FTO: variants seen among roughly 807,000 people sequenced by gnomAD.
The protein encoded by FTO is FTO alpha-ketoglutarate dependent dioxygenase.
A neutral mutation model predicts 63.9 loss-of-function variants in FTO; 47 were observed. The ratio of observed to expected loss-of-function variants is 0.74; its 90% CI spans 0.58 to 0.94. FTO has a LOEUF of 0.94. Ranked by LOEUF, FTO falls within the 40% of genes least tolerant of loss-of-function variation. The pLI, the probability that FTO is intolerant of heterozygous loss-of-function variation, is 0.00. For synonymous variants in FTO, 207 were observed against 224.4 expected, an observed-to-expected ratio of 0.92 and a Z score of 0.69; for missense variants, 562 against 618.1, an observed-to-expected ratio of 0.91 and a Z score of 0.96.
chr16:53,996,220 G>A (rs553195486), intron 8 of FTO, among the ~76,000 whole-genome samples: 285 of 152,252 alleles, frequency 1.9e-3, no homozygotes, highest in Middle Eastern at 6.8e-3. Context: ...ATCTTTTGAC[G>A]GTTGGTTTTT....
At chr16:54,035,200 C>G (rs2084915968) in intron 8 of FTO, among the ~76,000 whole-genome samples, 1 of 152,202 alleles carries the variant, frequency 6.6e-6, no homozygotes, top group African/African-American at 2.4e-5. Flanking sequence ...TTAGTTAAAT[C>G]AGTAATTTAC....
rs188663574 is a variant in FTO at position 54,031,883 on chromosome 16, C to T, written c.1365-79879C>T. 2.6e-5 allele frequency among the ~76,000 whole-genome samples: 4 copies of T among 152,146 alleles called. No homozygotes were observed. The East Asian group carries it at 7.7e-4, about 29-fold the overall frequency. On this transcript the variant is annotated intron_variant, in intron 8 of 8. Coordinates refer to ENST00000471389, the MANE Select transcript of FTO (RefSeq NM_001080432.3). ...TTAAGGTGGTTTTATAAGACATGGG[C>T]AGACAGATGGAAAGAGGTCATTCCA...
At chr16:54,022,918 C>G (rs1217970897) in intron 8 of FTO, among the ~76,000 whole-genome samples, 1 of 152,174 alleles carries the variant, frequency 6.6e-6, no homozygotes, top group Non-Finnish European at 1.5e-5. Context: ...GCTGTATACA[C>G]GGGAGCTAAC....
chr16:53,742,046 G>C (rs554890046), intron 1 of FTO, among the ~76,000 whole-genome samples: 102 of 152,196 alleles, frequency 6.7e-4, no homozygotes, highest in African/African-American at 2.4e-3. Flanking sequence ...TGGGGAGAGT[G>C]GGGGGTAGGT....
At chr16:53,857,346 C>T (rs1252774915) in intron 4 of FTO, among the ~76,000 whole-genome samples, 1 of 152,046 alleles carries the variant, frequency 6.6e-6, no homozygotes, top group Non-Finnish European at 1.5e-5. Flanking sequence ...ATTTGGTTTT[C>T]TTTTCCTGCG....
chr16:54,106,245 A>T (rs1336472145), intron 8 of FTO, among the ~76,000 whole-genome samples: 1 of 152,030 alleles, frequency 6.6e-6, no homozygotes, highest in Non-Finnish European at 1.5e-5. Flanking sequence ...GACGCCCTTC[A>T]TGAGTTACAC....
At chr16:53,723,152 G>T (rs2076079798) in intron 1 of FTO, among the ~76,000 whole-genome samples, 2 of 152,248 alleles carry the variant, frequency 1.3e-5, no homozygotes, top group East Asian at 1.9e-4. Context: ...TAGCTGTAAA[G>T]ATATATATTT....
intron 5 of FTO, 115 bp downstream of exon 5, chr16:53,873,980 A>C: frequency 1.3e-6 from 1 of 781,498 alleles, no homozygotes; most frequent in Non-Finnish European, 2.2e-6. Context: ...GCTTCCATCT[A>C]ACTTGACTTT....
At chr16:53,708,195 G>A (rs2075673595) in intron 1 of FTO, among the ~76,000 whole-genome samples, 1 of 152,116 alleles carries the variant, frequency 6.6e-6, no homozygotes, top group South Asian at 2.1e-4. Flanking sequence ...GTGAAACCCT[G>A]TCTCTACTAA....
chr16:53,769,739 AT>A (rs541816071), intron 1 of FTO, among the ~76,000 whole-genome samples: 86 of 152,178 alleles, frequency 5.7e-4, no homozygotes, highest in African/African-American at 1.9e-3. Context: ...ATAGTCTATA[AT>A]GGCTTAAACA....
chr16:53,753,683 A>G (rs2076852050), intron 1 of FTO, among the ~76,000 whole-genome samples: 1 of 152,196 alleles, frequency 6.6e-6, no homozygotes, highest in African/African-American at 2.4e-5. Flanking sequence ...TGGTGTTTGC[A>G]GTATTTAACA....
chr16:53,754,565 A>C (rs2076875427), intron 1 of FTO, among the ~76,000 whole-genome samples: 1 of 152,116 alleles, frequency 6.6e-6, no homozygotes, highest in South Asian at 2.1e-4. Flanking sequence ...TTGAACCCGG[A>C]AGGTGGCAGT....
At chr16:54,017,937 G>A (rs1012787108) in intron 8 of FTO, among the ~76,000 whole-genome samples, 2 of 151,918 alleles carry the variant, frequency 1.3e-5, no homozygotes, top group Non-Finnish European at 2.9e-5. Flanking sequence ...ATTTGGAAAA[G>A]AAAGCAGGAA....
At chr16:53,731,730 G>A (rs990054125) in intron 1 of FTO, among the ~76,000 whole-genome samples, 1 of 146,884 alleles carries the variant, frequency 6.8e-6, no homozygotes, top group South Asian at 2.2e-4. Flanking sequence ...GCGCCACCAC[G>A]CCCAACTAAT....
chr16:53,841,794 T>G (rs1222091317), intron 3 of FTO, among the ~76,000 whole-genome samples: 1 of 152,220 alleles, frequency 6.6e-6, no homozygotes, highest in Non-Finnish European at 1.5e-5. Flanking sequence ...AAACATGCTT[T>G]ATTGTGCATT....
intron 3 of FTO, among the ~76,000 whole-genome samples, chr16:53,829,800 C>CA (rs1365492103): frequency 1.3e-5 from 2 of 151,900 alleles, no homozygotes; most frequent in African/African-American, 4.8e-5. Context: ...AATGATGAAA[C>CA]ATTGGGTTTG....
At chr16:53,937,042 C>A (rs1407020744) in intron 8 of FTO, among the ~76,000 whole-genome samples, 1 of 152,198 alleles carries the variant, frequency 6.6e-6, no homozygotes, top group Non-Finnish European at 1.5e-5. Flanking sequence ...GTCTCTTAAA[C>A]TGAAGCATAT....
intron 8 of FTO, among the ~76,000 whole-genome samples, chr16:53,963,889 A>AT (rs1373628965): frequency 6.6e-6 from 1 of 151,962 alleles, no homozygotes. Flanking sequence ...AGTAGCTGGG[A>AT]TTACAGGCAC....
intron 8 of FTO, among the ~76,000 whole-genome samples, chr16:54,078,471 C>T (rs1441377846): frequency 1.3e-5 from 2 of 149,274 alleles, no homozygotes. Flanking sequence ...GTAACATATC[C>T]CTTACTAAAT....
Sources: allele counts gnomAD v4.1 joint callset (sites outside exome capture counted in the v4.1 genomes callset), GRCh38; gene constraint gnomAD v4.1.1; transcripts MANE v1.5; gene names NCBI Gene and HGNC (gene_info 2026-07-23, HGNC 2026-07-21).